AKT3: variants seen among roughly 807,000 people sequenced by gnomAD.
The protein encoded by AKT3 is RAC-gamma serine/threonine-protein kinase.
AKT3 carries 15 observed loss-of-function variants against 65.3 expected under a neutral mutation model. The observed-to-expected ratio is 0.23, with a 90% CI of 0.15 to 0.35. AKT3 has a LOEUF of 0.35. Ranked by LOEUF, AKT3 falls within the 10% of genes least tolerant of loss-of-function variation. The pLI, the probability that AKT3 is intolerant of heterozygous loss-of-function variation, is 1.00. For synonymous variants in AKT3, 206 were observed against 183.8 expected, an observed-to-expected ratio of 1.12 and a Z score of -0.98; for missense variants, 243 against 576.5, an observed-to-expected ratio of 0.42 and a Z score of 5.92.
intron 3 of AKT3, among the ~76,000 whole-genome samples, chr1:243,690,285 C>T (rs1684603389): frequency 6.6e-6 from 1 of 152,120 alleles, no homozygotes; most frequent in East Asian, 1.9e-4. Flanking sequence ...AGCTAGTAAA[C>T]TCAAGAGAGG....
chr1:243,812,955 T>C (rs1193047878), intron 2 of AKT3, among the ~76,000 whole-genome samples: 6 of 135,912 alleles, frequency 4.4e-5, no homozygotes, highest in Admixed American at 3.4e-4. Flanking sequence ...CACTCATAGG[T>C]GGCATAGGTG....
At chr1:243,594,962 C>T (rs912970322) in intron 8 of AKT3, among the ~76,000 whole-genome samples, 3 of 152,146 alleles carry the variant, frequency 2.0e-5, no homozygotes, top group African/African-American at 7.2e-5. Flanking sequence ...TCTTAGCTCA[C>T]AGCATACATA....
At chr1:243,512,299 T>C in intron 13 of AKT3, 25 bp downstream of exon 13, 2 of 1,223,650 alleles carry the variant, frequency 1.6e-6, no homozygotes, top group African/African-American at 1.5e-5. Flanking sequence ...TAGAAATTTA[T>C]CAATTGCCTT....
intron 12 of AKT3, among the ~76,000 whole-genome samples, chr1:243,536,878 G>A (rs536563088): frequency 2.0e-5 from 3 of 152,252 alleles, no homozygotes; most frequent in South Asian, 4.1e-4. Flanking sequence ...TTATTTGAGT[G>A]TGATAAGGGA....
At chr1:243,721,571 A>G (rs888475190) in intron 2 of AKT3, among the ~76,000 whole-genome samples, 1 of 152,134 alleles carries the variant, frequency 6.6e-6, no homozygotes, top group Non-Finnish European at 1.5e-5. Flanking sequence ...AGTGTTGGCC[A>G]TAACCCTTAT....
intron 12 of AKT3, among the ~76,000 whole-genome samples, chr1:243,533,984 C>T (rs753785296): frequency 3.3e-5 from 5 of 151,898 alleles, no homozygotes; most frequent in Admixed American, 2.0e-4. Context: ...AGCGAGACTC[C>T]GTTTCCAAAA....
intron 2 of AKT3, among the ~76,000 whole-genome samples, chr1:243,707,471 T>C (rs1250473054): frequency 2.0e-5 from 3 of 152,034 alleles, no homozygotes; most frequent in Non-Finnish European, 2.9e-5. Flanking sequence ...CTTTCTTAAT[T>C]CAATAACAAC....
intron 12 of AKT3, among the ~76,000 whole-genome samples, chr1:243,513,911 C>T (rs554189172): frequency 3.3e-5 from 5 of 152,198 alleles, no homozygotes. Context: ...CTGCTAGAAA[C>T]CCTCCCTCTG....
In AKT3 at chr1:243,545,496, T is replaced by C. The variant is rs1329859402; in HGVS notation, c.1251+14A>G. ...GCCAAAATATATACACACTATGCCATAAAGAAATCTTACCTTTTTATCATA... is the reference window on the plus strand; with the variant it reads ...GCCAAAATATATACACACTATGCCACAAAGAAATCTTACCTTTTTATCATA... On this transcript the variant is annotated intron_variant, in intron 12 of 13. Coordinates refer to ENST00000673466, the MANE Select transcript of AKT3 (RefSeq NM_005465.7). 1.9e-6 allele frequency: 3 copies of C among 1,542,934 alleles called. No homozygotes were observed.
intron 5 of AKT3, among the ~76,000 whole-genome samples, chr1:243,643,682 C>T (rs979840447): frequency 1.3e-5 from 2 of 152,164 alleles, no homozygotes. Context: ...AGGGAGGTAA[C>T]GAACCCTATT....
intron 3 of AKT3, among the ~76,000 whole-genome samples, chr1:243,665,951 A>C (rs1464711300): frequency 6.6e-6 from 1 of 152,168 alleles, no homozygotes; most frequent in Non-Finnish European, 1.5e-5. Flanking sequence ...GCAACTATCA[A>C]CTGCCATTTC....
chr1:243,667,885 T>C (rs1040762080), intron 3 of AKT3, among the ~76,000 whole-genome samples: 1 of 152,186 alleles, frequency 6.6e-6, no homozygotes, highest in African/African-American at 2.4e-5. Context: ...CTACACTCTT[T>C]CTGCTTTAGA....
At chr1:243,734,790 T>C (rs1687752222) in intron 2 of AKT3, among the ~76,000 whole-genome samples, 1 of 152,252 alleles carries the variant, frequency 6.6e-6, no homozygotes, top group Non-Finnish European at 1.5e-5. Flanking sequence ...TTTAATTTTG[T>C]AGCTTTTTGA....
intron 13 of AKT3, among the ~76,000 whole-genome samples, chr1:243,490,400 C>T (rs1666112039): frequency 6.6e-6 from 1 of 152,334 alleles, no homozygotes; most frequent in Middle Eastern, 3.4e-3. Context: ...ACCTGGCACG[C>T]TCCATGGCAG....
At chr1:243,626,101 T>C (rs1679139200) in intron 6 of AKT3, among the ~76,000 whole-genome samples, 1 of 152,190 alleles carries the variant, frequency 6.6e-6, no homozygotes, top group Non-Finnish European at 1.5e-5. Context: ...TGGTAAATAC[T>C]GTGACTGAAG....
chr1:243,794,399 C>T (rs555592647), intron 2 of AKT3: 2 of 152,230 alleles, frequency 1.3e-5, no homozygotes, highest in East Asian at 3.9e-4. Context: ...TTACAAATGC[C>T]CATTTAATTG....
chr1:243,703,414 A>G (rs1440832056), intron 2 of AKT3, among the ~76,000 whole-genome samples: 1 of 152,158 alleles, frequency 6.6e-6, no homozygotes, highest in Non-Finnish European at 1.5e-5. Flanking sequence ...TAGAGAATCA[A>G]AGAAATGTGC....
At chr1:243,623,903 G>A (rs1486615436) in intron 6 of AKT3, among the ~76,000 whole-genome samples, 2 of 152,192 alleles carry the variant, frequency 1.3e-5, no homozygotes, top group African/African-American at 4.8e-5. Context: ...CATCATCCAT[G>A]TGACTCCACT....
intron 2 of AKT3, among the ~76,000 whole-genome samples, chr1:243,717,895 T>G (rs973326140): frequency 6.6e-6 from 1 of 152,232 alleles, no homozygotes; most frequent in Non-Finnish European, 1.5e-5. Flanking sequence ...ACATTATACT[T>G]GTAAGAAATC....
Sources: gnomAD v4.1 joint callset for allele counts (sites outside exome capture counted in the v4.1 genomes callset) on GRCh38, gnomAD v4.1.1 for gene constraint, MANE v1.5 for transcripts, NCBI Gene and HGNC (gene_info 2026-07-23, HGNC 2026-07-21) for gene names.